Variants in MAP2K2 observed in about 807,000 individuals in gnomAD.
The protein encoded by MAP2K2 is mitogen-activated protein kinase kinase 2.
MAP2K2 carries 24 observed loss-of-function variants against 43.7 expected under a neutral mutation model. The observed-to-expected ratio is 0.55, with a 90% confidence interval of 0.40 to 0.77. The LOEUF (loss-of-function observed/expected upper bound fraction) is 0.77. Ranked by LOEUF, MAP2K2 falls within the 30% of genes least tolerant of loss-of-function variation. The pLI, the probability that MAP2K2 is intolerant of heterozygous loss-of-function variation, is 0.00. For missense variants in MAP2K2, 470 were observed against 566.8 expected (o/e 0.83, Z 1.73); for synonymous variants, 244 against 239.7 (o/e 1.02, Z -0.17).
intron 3 of MAP2K2, chr19:4,104,802 C>T (rs931898400): frequency 6.6e-6 from 1 of 152,328 alleles, no homozygotes; most frequent in African/African-American, 2.4e-5. Context: ...ACAGGAGCAT[C>T]GCTCTCTCTG....
intron 3 of MAP2K2, 48 bp from the exon 4 acceptor site, chr19:4,102,501 G>A (rs1356306587): frequency 7.1e-7 from 1 of 1,407,772 alleles, no homozygotes; most frequent in Non-Finnish European, 9.8e-7. Flanking sequence ...AGGTGGCCGG[G>A]AAGCCACGGA....
rs2145070295 is a variant in MAP2K2, at chr19:4,110,637, T to A, written c.322A>T (p.Lys108Ter). 1 of 1,613,308 alleles carries A rather than the reference T, an allele frequency of 6.2e-7. No homozygotes were observed. Among genetic ancestry groups the A allele is most frequent in the Non-Finnish European group, 8.5e-7 (1 of 1,179,916 alleles). Residue 108 changes from lysine (K) to a stop codon, truncating the protein, a stop_gained, in exon 3 of 11, where the codon AAG becomes TAG. Coordinates refer to ENST00000262948, the MANE Select transcript of MAP2K2 (RefSeq NM_030662.4). LOFTEE classifies it high-confidence loss of function. ...MARKLIHLEI[K>*]PAIRNQIIRE... ...ATGATCTGGTTCCGGATGGCCGGCTTGATCTCAAGGTGGATCAGCTGCAAG... is the reference window on the plus strand; with the variant it reads ...ATGATCTGGTTCCGGATGGCCGGCTAGATCTCAAGGTGGATCAGCTGCAAG...
chr19:4,093,026 C>G (rs544677476), intron 10 of MAP2K2, among the ~76,000 whole-genome samples: 28 of 151,566 alleles, frequency 1.8e-4, no homozygotes, highest in African/African-American at 6.8e-4. Flanking sequence ...CTGGCCAACA[C>G]GGGGAAACCC....
In MAP2K2 at chr19:4,101,354, A is replaced by G. The variant is rs2041008432; in HGVS notation, c.529-74T>C. On this transcript the variant is annotated intron_variant, in intron 4 of 10. Coordinates refer to ENST00000262948, the MANE Select transcript of MAP2K2 (RefSeq NM_030662.4). This position sits in a 1 kb window ranked among gnomAD's most constrained non-coding sequence, Gnocchi z 6.3. ...GCTCCTGACCGAGCCCGGGGGTCAG[A>G]GCTGAGCAGTCAGAGCTGGAGCGAG... 6 of 1,492,124 alleles carry G rather than the reference A, an allele frequency of 4.0e-6. No individual in the cohort carries two copies. Among genetic ancestry groups the G allele is most frequent in the Non-Finnish European group, 5.5e-6 (6 of 1,094,304 alleles). 92.4% of individuals were successfully genotyped at this position (1,492,124 alleles called of 1,614,324 possible).
At position 4,090,864 on chromosome 19, in the gene MAP2K2, G is replaced by A. The variant is rs894696054; in HGVS notation, c.1093-156C>T. Among the ~76,000 whole-genome samples, 24 of 152,328 alleles carry A rather than the reference G, an allele frequency of 1.6e-4. 2 individuals carry two copies. The highest frequency in any genetic ancestry group is 7.8e-4 in the Admixed American group (12 of 15,300). On this transcript the variant is annotated intron_variant, in intron 10 of 10. Coordinates refer to ENST00000262948, the MANE Select transcript of MAP2K2 (RefSeq NM_030662.4). ...ACAGGAAGACGCACTCGGGGTAGGA[G>A]AGGGAAAGAAACCCAGAAAGGGGCA...
At chr19:4,122,091 G>GC (rs533922308) in intron 1 of MAP2K2, among the ~76,000 whole-genome samples, 1 of 42,902 alleles carries the variant, frequency 2.3e-5, no homozygotes. Context: ...ACCGCTCCCC[G>GC]CCCCCCCAAG....
chr19:4,118,737 G>A (rs919345869), intron 1 of MAP2K2, among the ~76,000 whole-genome samples: 6 of 152,130 alleles, frequency 3.9e-5, no homozygotes, highest in African/African-American at 1.4e-4. Flanking sequence ...AGCCATGATC[G>A]TGACAATGTA....
Position 4,102,237 on chromosome 19 carries a change from C to T in MAP2K2, c.528+139G>A, listed in dbSNP as rs539069547. On this transcript the variant is annotated intron_variant, in intron 4 of 10. Coordinates refer to ENST00000262948, the MANE Select transcript of MAP2K2 (RefSeq NM_030662.4). ...TTGTTCAAGCTCCACAGCAGGTGGG[C>T]ACAGCCTTGGCCACTCTCTTTCTGC... 1.9e-4 allele frequency: 141 copies of T among 747,252 alleles called. 1 individual carries two copies. The highest frequency in any genetic ancestry group is 2.5e-4 in the Middle Eastern group (1 of 4,050). 46.3% of individuals were successfully genotyped at this position (747,252 alleles called of 1,614,324 possible). A position where few individuals can be genotyped will look rare whatever the true frequency, so the allele number is the denominator to read the frequency against.
intron 10 of MAP2K2, among the ~76,000 whole-genome samples, chr19:4,093,680 C>A (rs1455914383): frequency 6.6e-6 from 1 of 152,100 alleles, no homozygotes; most frequent in Non-Finnish European, 1.5e-5. Flanking sequence ...CAGAGTGAGA[C>A]TCTGTCCGAC....
intron 3 of MAP2K2, among the ~76,000 whole-genome samples, chr19:4,104,295 G>C (rs1307046926): frequency 6.6e-6 from 1 of 150,622 alleles, no homozygotes; most frequent in African/African-American, 2.4e-5. Flanking sequence ...GCCGCACGTG[G>C]TGGCGCACAC....
intron 8 of MAP2K2, among the ~76,000 whole-genome samples, chr19:4,096,693 G>A (rs542913983): frequency 4.3e-4 from 65 of 152,312 alleles, no homozygotes; most frequent in African/African-American, 1.1e-3. Flanking sequence ...CCGTGGAAGC[G>A]GGGTGATTTA....
intron 9 of MAP2K2, 118 bp from the exon 10 acceptor site, chr19:4,094,616 G>A: frequency 5.3e-6 from 5 of 945,712 alleles, no homozygotes; most frequent in Middle Eastern, 2.6e-4. Context: ...GGATCTCTCC[G>A]ACCAGAGAGA....
chr19:4,114,162 T>C (rs57416138), intron 2 of MAP2K2, among the ~76,000 whole-genome samples: 3,333 of 152,178 alleles, frequency 0.022, 125 homozygotes, highest in African/African-American at 0.075. Flanking sequence ...CTGGGAGCGG[T>C]GGCCAGCTAG....
chr19:4,117,275 G>A, intron 2 of MAP2K2, 144 bp downstream of exon 2: 1 of 799,578 alleles, frequency 1.3e-6, no homozygotes, highest in Non-Finnish European at 2.0e-6. Context: ...CCCTTTCTCA[G>A]GACCTAGAGT....
intron 3 of MAP2K2, among the ~76,000 whole-genome samples, chr19:4,108,904 G>A (rs1475182280): frequency 2.0e-5 from 3 of 152,280 alleles, no homozygotes; most frequent in African/African-American, 4.8e-5. Context: ...ACCACAAAGC[G>A]CTTCCTCATC....
intron 1 of MAP2K2, among the ~76,000 whole-genome samples, chr19:4,119,067 C>T (rs2041262159): frequency 6.6e-6 from 1 of 152,198 alleles, no homozygotes; most frequent in Non-Finnish European, 1.5e-5. Context: ...CAGGGTCCTG[C>T]TCTACCTCCC....
rs2040843306 is a variant in MAP2K2, at chr19:4,090,407, G to A, written c.*191C>T. ...CACAGCAGCGTCGCCCGTCCCCAGAGGCACCCCGGCCAGGACGGGCAGGAG... is the reference window on the plus strand; with the variant it reads ...CACAGCAGCGTCGCCCGTCCCCAGAAGCACCCCGGCCAGGACGGGCAGGAG... On this transcript the variant is annotated 3_prime_UTR_variant, in exon 11 of 11. Coordinates refer to ENST00000262948, the MANE Select transcript of MAP2K2 (RefSeq NM_030662.4). 1.6e-6 allele frequency: 1 copy of A among 632,644 alleles called. No individual in the cohort carries two copies. The highest frequency in any genetic ancestry group is 1.8e-5 in the South Asian group (1 of 55,982). The allele number at this position is 632,644 out of a possible 1,614,324, so 39.2% of individuals were successfully genotyped here.
At chr19:4,118,346 T>A (rs1037304954) in intron 1 of MAP2K2, among the ~76,000 whole-genome samples, 3 of 152,042 alleles carry the variant, frequency 2.0e-5, no homozygotes, top group Non-Finnish European at 2.9e-5. Flanking sequence ...TTGCAGGAGA[T>A]AGAGGAACAA....
rs570724723 is a variant in MAP2K2, at chr19:4,102,199, A to G, written c.528+177T>C. 2.6e-5 allele frequency among the ~76,000 whole-genome samples: 4 copies of G among 152,274 alleles called. No homozygotes were observed. The South Asian group carries it at 8.3e-4, about 32-fold the overall frequency. On this transcript the variant is annotated intron_variant, in intron 4 of 10. Transcript: ENST00000262948. Reference sequence around the variant, plus strand: ...TGGCAGATGGTGACCTCAGGCCCCAAAAGGGACGTCACTTGTTCAAGCTCC... The same window carrying G: ...TGGCAGATGGTGACCTCAGGCCCCAGAAGGGACGTCACTTGTTCAAGCTCC...
Sources: gnomAD v4.1 joint callset for allele counts (sites outside exome capture counted in the v4.1 genomes callset) on GRCh38, gnomAD v4.1.1 for gene constraint, Gnocchi (gnomAD v3.1) non-coding constraint, MANE v1.5 for transcripts, NCBI Gene and HGNC (gene_info 2026-07-23, HGNC 2026-07-21) for gene names.